The following SDK1 variants were observed in gnomAD, a reference collection of about 807,000 sequenced individuals.
The protein encoded by SDK1 is sidekick cell adhesion molecule 1.
A neutral mutation model predicts 245.5 loss-of-function variants in SDK1; 157 were observed. The ratio of observed to expected loss-of-function variants is 0.64; its 90% confidence interval spans 0.56 to 0.73. SDK1 has a LOEUF of 0.73. Ranked by LOEUF, SDK1 falls within the 30% of genes least tolerant of loss-of-function variation. The pLI, the probability that SDK1 is intolerant of heterozygous loss-of-function variation, is 0.00. For synonymous variants in SDK1, 1,647 were observed against 1,278.5 expected (o/e 1.29, Z -6.15); for missense variants, 3,583 against 3,002.3 (o/e 1.19, Z -4.52).
chr7:3,856,759 CT>C (rs1184338435), intron 5 of SDK1, among the ~76,000 whole-genome samples: 1 of 152,160 alleles, frequency 6.6e-6, no homozygotes, highest in African/African-American at 2.4e-5. Context: ...CCACTGCACT[CT>C]AGCCTGGGCA....
rs116007515 is a variant in SDK1, at chr7:3,378,811, G to T, written c.298+76927G>T. Among the ~76,000 whole-genome samples, 926 of 151,768 alleles carry T rather than the reference G, an allele frequency of 6.1e-3. 12 individuals are homozygous for T. The highest frequency in any genetic ancestry group is 0.021 in the African/African-American group (880 of 41,254). The stretch of plus-strand genomic sequence containing the variant: ...GGGTATTCACTCTGCTGCCCTGCTC[G>T]CTGGGGGGCCGGCGGGGTGGGCTTC... On this transcript the variant is annotated intron_variant, in intron 1 of 44. Coordinates refer to ENST00000404826, the MANE Select transcript of SDK1 (RefSeq NM_152744.4).
chr7:4,010,731 A>T (rs79857561), intron 14 of SDK1, among the ~76,000 whole-genome samples: 222 of 152,244 alleles, frequency 1.5e-3, no homozygotes, highest in African/African-American at 5.1e-3. Flanking sequence ...TGCACAAAAA[A>T]ATCCTTTTGC....
In SDK1 at chr7:3,951,954, A is replaced by G. The variant is rs542283659; in HGVS notation, c.1150+34A>G. On this transcript the variant is annotated intron_variant, in intron 7 of 44. Coordinates refer to ENST00000404826, the MANE Select transcript of SDK1 (RefSeq NM_152744.4). Reference sequence around the variant, plus strand: ...GGAGCCTCTAAGTGGTGTTGCCAGCATCTCAGATAGCATCCGACACTGACT... The same window carrying G: ...GGAGCCTCTAAGTGGTGTTGCCAGCGTCTCAGATAGCATCCGACACTGACT... The G allele has an allele frequency of 5.1e-6, 8 of 1,578,462 alleles. No homozygotes were observed. In the African/African-American group the frequency reaches 6.8e-5, roughly 13 times the overall value.
chr7:4,012,373 T>A, intron 16 of SDK1, 138 bp downstream of exon 16: 1 of 928,464 alleles, frequency 1.1e-6, no homozygotes, highest in Non-Finnish European at 1.5e-6. Context: ...TGTTAGGGAG[T>A]GGTGGAGACT....
At chr7:3,438,110 C>T (rs117748475) in intron 1 of SDK1, among the ~76,000 whole-genome samples, 6,073 of 152,218 alleles carry the variant, frequency 0.04, 161 homozygotes, top group Middle Eastern at 0.065. Flanking sequence ...TGACCTAGCC[C>T]CCTGCATCCT....
chr7:3,542,117 A>G (rs1471532042), intron 1 of SDK1, among the ~76,000 whole-genome samples: 1 of 152,246 alleles, frequency 6.6e-6, no homozygotes, highest in South Asian at 2.1e-4. Context: ...TTAATTGTCG[A>G]TAAGTCATCA....
intron 40 of SDK1, 143 bp from the exon 41 acceptor site, chr7:4,233,112 C>A: frequency 1.5e-6 from 1 of 685,198 alleles, no homozygotes; most frequent in Non-Finnish European, 2.5e-6. Context: ...ACTCCGTCCC[C>A]ATTCAGCACT....
At chr7:3,531,149 C>A (rs946510788) in intron 1 of SDK1, among the ~76,000 whole-genome samples, 1 of 152,138 alleles carries the variant, frequency 6.6e-6, no homozygotes, top group Non-Finnish European at 1.5e-5. Context: ...ATTGTCACAC[C>A]AGAATACCAC....
chr7:3,547,618 C>T (rs1224240972), intron 1 of SDK1, among the ~76,000 whole-genome samples: 1 of 152,098 alleles, frequency 6.6e-6, no homozygotes, highest in Non-Finnish European at 1.5e-5. Context: ...ATTGGAAATC[C>T]CTGACCTAGT....
intron 4 of SDK1, among the ~76,000 whole-genome samples, chr7:3,683,652 G>A (rs1262971435): frequency 7.2e-5 from 11 of 152,206 alleles, no homozygotes; most frequent in Non-Finnish European, 1.6e-4. Context: ...CATGGCAAGC[G>A]TGGAAGACTC....
chr7:3,413,645 C>T (rs779905373), intron 1 of SDK1, among the ~76,000 whole-genome samples: 9 of 151,918 alleles, frequency 5.9e-5, no homozygotes, highest in Non-Finnish European at 1.2e-4. Flanking sequence ...GAGCTGAGAT[C>T]ACACCACTGC....
chr7:4,010,890 A>C, intron 14 of SDK1, 76 bp from the exon 15 acceptor site: 2 of 1,461,396 alleles, frequency 1.4e-6, no homozygotes, highest in Non-Finnish European at 1.9e-6. Context: ...TTCCCTGAGA[A>C]AGCCTTTGCA....
intron 14 of SDK1, among the ~76,000 whole-genome samples, chr7:3,993,229 G>A (rs1006283362): frequency 3.3e-5 from 5 of 152,198 alleles, no homozygotes. Flanking sequence ...TTTGGGAGAG[G>A]CCATCCTAGT....
At chr7:3,421,331 C>T (rs1405916017) in intron 1 of SDK1, among the ~76,000 whole-genome samples, 1 of 152,104 alleles carries the variant, frequency 6.6e-6, no homozygotes, top group Non-Finnish European at 1.5e-5. Flanking sequence ...CCTCCTCGGC[C>T]TCCCAAAGTG....
intron 5 of SDK1, among the ~76,000 whole-genome samples, chr7:3,824,008 G>T (rs1335584977): frequency 6.8e-6 from 1 of 147,708 alleles, no homozygotes; most frequent in Non-Finnish European, 1.5e-5. Context: ...ACCTCTAAAA[G>T]TCAGAAGTCT....
intron 32 of SDK1, among the ~76,000 whole-genome samples, chr7:4,164,695 A>G (rs1026965070): frequency 3.3e-5 from 5 of 152,230 alleles, no homozygotes; most frequent in African/African-American, 1.2e-4. Flanking sequence ...ATGGTTGTGA[A>G]GGCATCACTT....
At chr7:3,382,140 AT>A (rs11376535) in intron 1 of SDK1, among the ~76,000 whole-genome samples, 4 of 150,386 alleles carry the variant, frequency 2.7e-5, no homozygotes, top group East Asian at 1.9e-4. Flanking sequence ...AAACTTAAAC[AT>A]TTTTTTTTGT....
intron 13 of SDK1, 81 bp from the exon 14 acceptor site, chr7:3,987,105 G>T: frequency 7.3e-7 from 1 of 1,377,222 alleles, no homozygotes; most frequent in Non-Finnish European, 1.0e-6. Flanking sequence ...ACAGCAGGAC[G>T]GTCTGCTGTA....
intron 1 of SDK1, among the ~76,000 whole-genome samples, chr7:3,582,779 T>C (rs1311020581): frequency 1.4e-5 from 2 of 140,126 alleles, no homozygotes; most frequent in Admixed American, 7.3e-5. Flanking sequence ...ATAAAGGAAA[T>C]AGAGTTCCCT....
Sources: gnomAD v4.1 joint callset for allele counts (sites outside exome capture counted in the v4.1 genomes callset) on GRCh38, gnomAD v4.1.1 for gene constraint, MANE v1.5 for transcripts, NCBI Gene and HGNC (gene_info 2026-07-23, HGNC 2026-07-21) for gene names.